ROBO2: variants seen among roughly 807,000 people sequenced by gnomAD.
ROBO2 encodes the protein roundabout homolog 2.
A neutral mutation model predicts 160.8 loss-of-function variants in ROBO2; 53 were observed. The ratio of observed to expected loss-of-function variants is 0.33; its 90% CI spans 0.26 to 0.41. The LOEUF (loss-of-function observed/expected upper bound fraction) is 0.41, where lower values mean the gene tolerates loss of function less well. Among genes scored for constraint, ROBO2 ranks in the 10% least tolerant of loss-of-function variants. ROBO2 has a pLI of 1.00. For synonymous variants in ROBO2, 664 were observed against 611.7 expected (o/e 1.09, Z -1.26); for missense variants, 1,577 against 1,722.4 (o/e 0.92, Z 1.49).
At chr3:76,749,837 G>A (rs1400372638) in intron 2 of ROBO2, among the ~76,000 whole-genome samples, 2 of 152,058 alleles carry the variant, frequency 1.3e-5, no homozygotes, top group African/African-American at 2.4e-5. Flanking sequence ...TCCAGGACCA[G>A]ATGGATTCAC....
In ROBO2 at chr3:75,907,052, A is replaced by C. The variant is rs540599446; in HGVS notation, c.-14+92A>C. On this transcript the variant is annotated intron_variant, in intron 1 of 26. Transcript: ENST00000487694. The stretch of plus-strand genomic sequence containing the variant: ...AGCTCCCCCAAGCGCTGCTGCCTTT[A>C]TATTTCCCAAATTCACGGAAGGTCT... 103 of 152,360 alleles carry C rather than the reference A, an allele frequency of 6.8e-4. 1 individual carries two copies. The highest frequency in any genetic ancestry group is 2.2e-3 in the African/African-American group (92 of 41,538). The allele number at this position is 152,360 out of a possible 1,614,324, so 9.4% of individuals were successfully genotyped here.
intron 2 of ROBO2, among the ~76,000 whole-genome samples, chr3:76,921,332 C>T (rs920224521): frequency 1.3e-5 from 2 of 152,068 alleles, no homozygotes; most frequent in African/African-American, 4.8e-5. Flanking sequence ...TAATTTTTGG[C>T]CAGGCGGGAT....
intron 2 of ROBO2, among the ~76,000 whole-genome samples, chr3:76,382,499 A>C (rs542810384): frequency 6.6e-6 from 1 of 152,318 alleles, no homozygotes; most frequent in Admixed American, 6.5e-5. Flanking sequence ...AGGCAGGAGA[A>C]TGGCGTGAAC....
intron 2 of ROBO2, among the ~76,000 whole-genome samples, chr3:76,651,383 T>C (rs893392622): frequency 1.3e-5 from 2 of 152,122 alleles, no homozygotes; most frequent in Admixed American, 1.3e-4. Flanking sequence ...GCCCTCCTCC[T>C]AGGATACTGC....
At chr3:77,010,822 C>A (rs369411517) in intron 2 of ROBO2, among the ~76,000 whole-genome samples, 215 of 141,812 alleles carry the variant, frequency 1.5e-3, no homozygotes, top group Middle Eastern at 0.011. Flanking sequence ...TCTTTCTCTC[C>A]TTCCTTCCTT....
intron 2 of ROBO2, among the ~76,000 whole-genome samples, chr3:76,618,630 G>A (rs372223768): frequency 1.3e-5 from 2 of 151,644 alleles, no homozygotes; most frequent in South Asian, 4.3e-4. Flanking sequence ...GAAAAATAGT[G>A]TTTAGCTTTC....
intron 2 of ROBO2, among the ~76,000 whole-genome samples, chr3:77,216,385 A>G (rs545621559): frequency 2.0e-5 from 3 of 152,264 alleles, no homozygotes; most frequent in Non-Finnish European, 4.4e-5. Context: ...CAGGCACAAG[A>G]TATAATCTCC....
intron 2 of ROBO2, among the ~76,000 whole-genome samples, chr3:76,572,537 A>G (rs1021618562): frequency 2.0e-5 from 3 of 152,190 alleles, no homozygotes; most frequent in African/African-American, 7.2e-5. Flanking sequence ...CAGTGTGCTC[A>G]AACAATGCAT....
At chr3:75,994,870 G>A (rs1390007932) in intron 2 of ROBO2, among the ~76,000 whole-genome samples, 2 of 152,202 alleles carry the variant, frequency 1.3e-5, no homozygotes, top group Non-Finnish European at 2.9e-5. Context: ...TATGGACAAT[G>A]AAGTCTAGGC....
At chr3:76,207,602 A>C (rs1170204565) in intron 2 of ROBO2, among the ~76,000 whole-genome samples, 5 of 152,284 alleles carry the variant, frequency 3.3e-5, no homozygotes, top group African/African-American at 1.2e-4. Context: ...CTGTGTGACA[A>C]ATATGTGAGA....
At chr3:77,320,677 A>G (rs1336116975) in intron 2 of ROBO2, among the ~76,000 whole-genome samples, 1 of 152,120 alleles carries the variant, frequency 6.6e-6, no homozygotes, top group East Asian at 1.9e-4. Flanking sequence ...GACTTGTTGA[A>G]CTACAGGCAA....
intron 2 of ROBO2, among the ~76,000 whole-genome samples, chr3:77,273,458 A>G (rs2059631719): frequency 6.6e-6 from 1 of 152,174 alleles, no homozygotes; most frequent in South Asian, 2.1e-4. Flanking sequence ...CACGGATCTG[A>G]GTCTTAGATA....
chr3:76,042,040 A>C (rs928196241), intron 2 of ROBO2, among the ~76,000 whole-genome samples: 8 of 151,366 alleles, frequency 5.3e-5, no homozygotes, highest in East Asian at 3.9e-4. Context: ...AAAAAAAAAA[A>C]AACACCCCAG....
At chr3:77,097,035 TACAG>T (rs1338636626) in intron 1 of ROBO2, among the ~76,000 whole-genome samples, 6 of 152,238 alleles carry the variant, frequency 3.9e-5, no homozygotes, top group African/African-American at 1.2e-4. Flanking sequence ...CTTTCGATTG[TACAG>T]ACAGTCATGT....
chr3:76,910,915 T>C (rs1239274337), intron 2 of ROBO2, among the ~76,000 whole-genome samples: 1 of 152,042 alleles, frequency 6.6e-6, no homozygotes, highest in Non-Finnish European at 1.5e-5. Flanking sequence ...AGTCCTTTTT[T>C]TGCTTCATTC....
chr3:76,962,161 C>A (rs2079712593), intron 2 of ROBO2, among the ~76,000 whole-genome samples: 1 of 152,104 alleles, frequency 6.6e-6, no homozygotes, highest in Non-Finnish European at 1.5e-5. Flanking sequence ...ATGCCACAAC[C>A]CTGTCTCTAC....
intron 2 of ROBO2, among the ~76,000 whole-genome samples, chr3:77,367,422 G>T (rs999102156): frequency 6.6e-6 from 1 of 151,970 alleles, no homozygotes; most frequent in Admixed American, 6.6e-5. Context: ...TTAATGGTGG[G>T]CTTCTAGTAC....
intron 2 of ROBO2, among the ~76,000 whole-genome samples, chr3:76,003,771 G>T (rs1457820231): frequency 6.6e-6 from 1 of 152,192 alleles, no homozygotes; most frequent in Non-Finnish European, 1.5e-5. Flanking sequence ...CAGGGTGCTA[G>T]AACTAATCCC....
intron 2 of ROBO2, among the ~76,000 whole-genome samples, chr3:76,398,404 A>T (rs2077601923): frequency 1.3e-5 from 2 of 152,000 alleles, no homozygotes; most frequent in Non-Finnish European, 2.9e-5. Flanking sequence ...GCAGCACACC[A>T]GCATGGCACA....
Sources: allele counts gnomAD v4.1 joint callset (sites outside exome capture counted in the v4.1 genomes callset), GRCh38; gene constraint gnomAD v4.1.1; transcripts MANE v1.5; gene names NCBI Gene and HGNC (gene_info 2026-07-23, HGNC 2026-07-21).